STRN: variants seen among roughly 807,000 people sequenced by gnomAD.
STRN encodes the protein protein phosphatase 2 regulatory subunit B'''alpha.
STRN carries 53 observed loss-of-function variants against 96.3 expected under a neutral mutation model. The observed-to-expected ratio is 0.55, with a 90% CI of 0.44 to 0.69. The LOEUF (loss-of-function observed/expected upper bound fraction) is 0.69, where lower values mean the gene tolerates loss of function less well. Ranked by LOEUF, STRN falls within the 30% of genes least tolerant of loss-of-function variation. STRN has a pLI of 0.00. For missense variants in STRN, 987 were observed against 963.9 expected (o/e 1.02, Z -0.32); for synonymous variants, 428 against 355.9 (o/e 1.20, Z -2.28).
chr2:36,956,832 G>T (rs1664901134), intron 1 of STRN, among the ~76,000 whole-genome samples: 1 of 152,088 alleles, frequency 6.6e-6, no homozygotes, highest in Non-Finnish European at 1.5e-5. Context: ...AAATTAGTAG[G>T]GCCATTCTTA....
intron 1 of STRN, among the ~76,000 whole-genome samples, chr2:36,954,653 T>C (rs1664841138): frequency 6.6e-6 from 1 of 151,426 alleles, no homozygotes; most frequent in Non-Finnish European, 1.5e-5. Flanking sequence ...TTTTTTTAGA[T>C]GGAGTTTCAC....
intron 1 of STRN, among the ~76,000 whole-genome samples, chr2:36,951,861 G>T (rs1009499263): frequency 6.6e-6 from 1 of 152,214 alleles, no homozygotes; most frequent in South Asian, 2.1e-4. Flanking sequence ...ATAGCAGGAG[G>T]TGAGCAGCAG....
intron 1 of STRN, among the ~76,000 whole-genome samples, chr2:36,956,120 CAA>C (rs2148274916): frequency 6.6e-6 from 1 of 152,190 alleles, no homozygotes; most frequent in East Asian, 1.9e-4. Context: ...ACTTACAGGA[CAA>C]AGAGAATGTA....
intron 1 of STRN, among the ~76,000 whole-genome samples, chr2:36,942,287 C>A (rs1197466296): frequency 6.6e-6 from 1 of 151,892 alleles, no homozygotes; most frequent in Non-Finnish European, 1.5e-5. Context: ...AAAGAAAAAA[C>A]CTAGTTTTTT....
At chr2:36,964,248 G>GGT (rs916440558) in intron 1 of STRN, among the ~76,000 whole-genome samples, 9 of 149,730 alleles carry the variant, frequency 6.0e-5, no homozygotes, top group East Asian at 1.9e-4. Context: ...ATTGTTTTCT[G>GGT]GTGTGTGTGT....
chr2:36,894,054 A>G (rs752477070), intron 6 of STRN, 21 bp from the exon 7 acceptor site: 1 of 1,604,174 alleles, frequency 6.2e-7, no homozygotes. Flanking sequence ...AACATGCTAA[A>G]TTAAATAAAG....
At chr2:36,938,754 T>C (rs1262999565) in intron 1 of STRN, among the ~76,000 whole-genome samples, 3 of 152,324 alleles carry the variant, frequency 2.0e-5, no homozygotes, top group Non-Finnish European at 4.4e-5. Flanking sequence ...TTAATGACAA[T>C]TTTGTGATTT....
chr2:36,876,512 G>T (rs898392963), intron 10 of STRN, among the ~76,000 whole-genome samples: 1 of 152,028 alleles, frequency 6.6e-6, no homozygotes, highest in Non-Finnish European at 1.5e-5. Flanking sequence ...AGAGGAGTGA[G>T]TGGTAAGCAT....
chr2:36,874,429 C>G (rs1347005462), intron 10 of STRN, among the ~76,000 whole-genome samples: 1 of 152,038 alleles, frequency 6.6e-6, no homozygotes, highest in African/African-American at 2.4e-5. Flanking sequence ...GTATAACACA[C>G]ATATAACTAT....
intron 3 of STRN, among the ~76,000 whole-genome samples, chr2:36,911,992 T>C (rs1043130913): frequency 2.6e-5 from 4 of 152,188 alleles, no homozygotes; most frequent in African/African-American, 9.6e-5. Context: ...CTATCTCATA[T>C]ATAAAGCTAT....
At chr2:36,912,337 T>G (rs560466751) in intron 3 of STRN, among the ~76,000 whole-genome samples, 2 of 152,108 alleles carry the variant, frequency 1.3e-5, no homozygotes, top group African/African-American at 4.8e-5. Context: ...CTTCACAACC[T>G]AAGCTTCCTG....
Position 36,841,405 on chromosome 2 carries a change from G to C in STRN, c.*8051C>G, listed in dbSNP as rs1018602730. The C allele has an allele frequency of 6.6e-6, 1 of 152,178 alleles. No homozygotes were observed. Among genetic ancestry groups the C allele is most frequent in the South Asian group, 2.1e-4 (1 of 4,820 alleles). The allele number at this position is 152,178 out of a possible 1,614,324, so 9.4% of individuals were successfully genotyped here. A position where few individuals can be genotyped will look rare whatever the true frequency, so the allele number is the denominator to read the frequency against. Reference sequence around the variant, plus strand: ...TGAGTACTGGGAAGGTTGTTGGGGAGGGTATTATTCACAAACAACTGTCAA... The same window carrying C: ...TGAGTACTGGGAAGGTTGTTGGGGACGGTATTATTCACAAACAACTGTCAA... On this transcript the variant is annotated 3_prime_UTR_variant, in exon 18 of 18. Transcript: ENST00000263918.
At chr2:36,888,651 G>A (rs1319762368) in intron 7 of STRN, among the ~76,000 whole-genome samples, 1 of 151,512 alleles carries the variant, frequency 6.6e-6, no homozygotes, top group Non-Finnish European at 1.5e-5. Context: ...GTGTGTGTGT[G>A]TGTGTGTGTG....
chr2:36,876,390 C>T (rs1284258229), intron 10 of STRN, among the ~76,000 whole-genome samples: 1 of 151,774 alleles, frequency 6.6e-6, no homozygotes, highest in Non-Finnish European at 1.5e-5. Flanking sequence ...AAAAATGGAC[C>T]AGGATAGAAA....
rs1159531782 is a variant in STRN at position 36,957,744 on chromosome 2, C to CTTTT, written c.234+8482_234+8485dup. Reference sequence around the variant, plus strand: ...TTAGTCTCATAGTTCTTCTTTTTGTCTTTTTTTTTTTTTTTTTTTTTTTTT... The same window carrying CTTTT: ...TTAGTCTCATAGTTCTTCTTTTTGTCTTTTTTTTTTTTTTTTTTTTTTTTTTTTT... On this transcript the variant is annotated intron_variant, in intron 1 of 17. Coordinates refer to ENST00000263918, the MANE Select transcript of STRN (RefSeq NM_003162.4). 7.6e-3 allele frequency among the ~76,000 whole-genome samples: 679 copies of CTTTT among 89,172 alleles called. 86 individuals carry two copies. Among genetic ancestry groups the CTTTT allele is most frequent in the East Asian group, 0.021 (37 of 1,796 alleles). The allele number at this position is 89,172 out of a possible 152,430, so 58.5% of individuals were successfully genotyped here. A position where few individuals can be genotyped will look rare whatever the true frequency, so the allele number is the denominator to read the frequency against.
chr2:36,925,887 G>T (rs1238238592), intron 1 of STRN, among the ~76,000 whole-genome samples: 1 of 152,102 alleles, frequency 6.6e-6, no homozygotes, highest in Non-Finnish European at 1.5e-5. Flanking sequence ...AAGCAGGAAG[G>T]GTTAAAGTAA....
At chr2:36,916,493 A>G (rs532462576) in intron 2 of STRN, among the ~76,000 whole-genome samples, 4 of 151,758 alleles carry the variant, frequency 2.6e-5, no homozygotes, top group Non-Finnish European at 5.9e-5. Flanking sequence ...TATCAAAAAC[A>G]GTTAAAAAAA....
intron 1 of STRN, among the ~76,000 whole-genome samples, chr2:36,938,833 G>A (rs1170498449): frequency 6.6e-6 from 1 of 152,104 alleles, no homozygotes; most frequent in Non-Finnish European, 1.5e-5. Context: ...TCTGCTGAAT[G>A]AAACTTTAAT....
chr2:36,923,669 T>A lies in STRN; in HGVS notation c.338+1436A>T, dbSNP rs568400082. ...CTAATAAAATTTTATCTATTTCTCA[T>A]TATTCATAAATATCATCTATTTATC... On this transcript the variant is annotated intron_variant, in intron 2 of 17. Coordinates refer to ENST00000263918, the MANE Select transcript of STRN (RefSeq NM_003162.4). Among the ~76,000 whole-genome samples the A allele has an allele frequency of 3.9e-5, 6 of 152,302 alleles. No homozygotes were observed. The South Asian group carries it at 1.2e-3, about 32-fold the overall frequency.
Sources: allele counts gnomAD v4.1 joint callset (sites outside exome capture counted in the v4.1 genomes callset), GRCh38; gene constraint gnomAD v4.1.1; transcripts MANE v1.5; gene names NCBI Gene and HGNC (gene_info 2026-07-23, HGNC 2026-07-21).